The following HECW2 variants were observed in gnomAD, a reference collection of about 807,000 sequenced individuals.
HECW2 encodes HECT, C2 and WW domain containing E3 ubiquitin protein ligase 2.
In HECW2, 61 loss-of-function variants were observed where a neutral mutation model predicts 175.2. The ratio of observed to expected loss-of-function variants is 0.35; its 90% CI spans 0.28 to 0.43. HECW2 has a LOEUF of 0.43. Ranked by LOEUF, HECW2 falls within the 20% of genes least tolerant of loss-of-function variation. The probability of loss-of-function intolerance (pLI) is 1.00; values close to 1 mark genes in which losing one functional copy is unlikely to be tolerated. For synonymous variants in HECW2, 671 were observed against 731.0 expected (o/e 0.92, Z 1.32); for missense variants, 1,524 against 2,000.5 (o/e 0.76, Z 4.54).
chr2:196,514,910 C>T (rs1053400236), intron 1 of HECW2, among the ~76,000 whole-genome samples: 2 of 152,194 alleles, frequency 1.3e-5, no homozygotes, highest in Non-Finnish European at 2.9e-5. Flanking sequence ...GGACTAAAAG[C>T]GCTGTAACAC....
chr2:196,270,758 T>A (rs141774121), intron 17 of HECW2, among the ~76,000 whole-genome samples: 246 of 152,154 alleles, frequency 1.6e-3, no homozygotes, highest in Non-Finnish European at 3.2e-3. Flanking sequence ...TGGAGTGCAG[T>A]GGTGCAAATC....
At chr2:196,536,245 G>A (rs1331881038) in intron 1 of HECW2, among the ~76,000 whole-genome samples, 2 of 152,140 alleles carry the variant, frequency 1.3e-5, no homozygotes, top group East Asian at 1.9e-4. Flanking sequence ...TAAAACTTAC[G>A]GGATGGGACC....
chr2:196,569,340 T>TCTAAACTAAACTAAA lies in HECW2; in HGVS notation c.-36+24153_-36+24167dup, dbSNP rs200812711. ...CTGGGTGACAGAGTGAGACACTGTC[T>TCTAAACTAAACTAAA]CTAAACTAAACTAAACTAAACTAAA... On this transcript the variant is annotated intron_variant, in intron 1 of 28. Coordinates refer to ENST00000644978, the MANE Select transcript of HECW2 (RefSeq NM_001348768.2). Among the ~76,000 whole-genome samples, 759 of 149,396 alleles carry TCTAAACTAAACTAAA rather than the reference T, an allele frequency of 5.1e-3. 7 individuals are homozygous for TCTAAACTAAACTAAA. Among genetic ancestry groups the TCTAAACTAAACTAAA allele is most frequent in the Middle Eastern group, 0.014 (4 of 292 alleles).
At chr2:196,203,597 T>C (rs1388381712) in intron 28 of HECW2, among the ~76,000 whole-genome samples, 1 of 152,178 alleles carries the variant, frequency 6.6e-6, no homozygotes, top group African/African-American at 2.4e-5. Context: ...TGGTTACCAA[T>C]AAGGTTGAGC....
At chr2:196,449,047 T>C (rs1290420507) in intron 1 of HECW2, among the ~76,000 whole-genome samples, 1 of 152,172 alleles carries the variant, frequency 6.6e-6, no homozygotes, top group Non-Finnish European at 1.5e-5. Flanking sequence ...CACTTCAATG[T>C]TGGGGTGAGT....
intron 1 of HECW2, among the ~76,000 whole-genome samples, chr2:196,472,586 G>A (rs1485584720): frequency 6.6e-6 from 1 of 151,702 alleles, no homozygotes; most frequent in Non-Finnish European, 1.5e-5. Flanking sequence ...CAGAATAGTG[G>A]ATCTCTGTAG....
chr2:196,432,990 G>A (rs1398159461), intron 2 of HECW2, 142 bp downstream of exon 2: 1 of 727,226 alleles, frequency 1.4e-6, no homozygotes, highest in Non-Finnish European at 2.2e-6. Context: ...TCCCAAAGAA[G>A]AAAAAAAATA....
chr2:196,583,628 C>T (rs557242991), intron 1 of HECW2, among the ~76,000 whole-genome samples: 1 of 152,166 alleles, frequency 6.6e-6, no homozygotes, highest in Non-Finnish European at 1.5e-5. Flanking sequence ...ATGAACTAGG[C>T]CTCCAAGACT....
At chr2:196,419,057 C>T (rs927630948) in intron 2 of HECW2, among the ~76,000 whole-genome samples, 1 of 152,202 alleles carries the variant, frequency 6.6e-6, no homozygotes, top group Non-Finnish European at 1.5e-5. Flanking sequence ...ACAGATAATG[C>T]AGCACAGAGA....
At chr2:196,591,604 T>C (rs939064586) in intron 1 of HECW2, among the ~76,000 whole-genome samples, 1 of 152,180 alleles carries the variant, frequency 6.6e-6, no homozygotes, top group Non-Finnish European at 1.5e-5. Context: ...CAGTGTCTCC[T>C]TTAAGAGATC....
chr2:196,549,017 G>A (rs1689520032), intron 1 of HECW2, among the ~76,000 whole-genome samples: 1 of 152,102 alleles, frequency 6.6e-6, no homozygotes, highest in Admixed American at 6.5e-5. Flanking sequence ...CAAGGGGTTG[G>A]CACTTCAACA....
chr2:196,367,984 T>G (rs1693795660), intron 2 of HECW2, among the ~76,000 whole-genome samples: 2 of 151,576 alleles, frequency 1.3e-5, no homozygotes, highest in Non-Finnish European at 3.0e-5. Context: ...TACATATATA[T>G]GATACATATA....
At chr2:196,346,406 GC>G (rs1212896599) in intron 2 of HECW2, among the ~76,000 whole-genome samples, 44 of 152,188 alleles carry the variant, frequency 2.9e-4, no homozygotes, top group Admixed American at 2.9e-3. Flanking sequence ...CTAGAAGGGA[GC>G]TTGGACAGAG....
chr2:196,528,762 A>G (rs1688750694), intron 1 of HECW2, among the ~76,000 whole-genome samples: 1 of 152,240 alleles, frequency 6.6e-6, no homozygotes, highest in East Asian at 1.9e-4. Flanking sequence ...ATGAGGAGAA[A>G]GAATTCCACA....
At chr2:196,456,790 T>C (rs1271824593) in intron 1 of HECW2, among the ~76,000 whole-genome samples, 1 of 152,144 alleles carries the variant, frequency 6.6e-6, no homozygotes, top group Admixed American at 6.5e-5. Context: ...ATAAGGGAAA[T>C]TGATCAAGCA....
intron 1 of HECW2, among the ~76,000 whole-genome samples, chr2:196,533,239 A>C (rs1183620704): frequency 6.6e-6 from 1 of 152,232 alleles, no homozygotes; most frequent in Non-Finnish European, 1.5e-5. Flanking sequence ...TCAAACAGGT[A>C]ATCTTAACCT....
At chr2:196,494,255 C>T (rs1042481324) in intron 1 of HECW2, among the ~76,000 whole-genome samples, 1 of 152,146 alleles carries the variant, frequency 6.6e-6, no homozygotes, top group Non-Finnish European at 1.5e-5. Context: ...GTATGTCAAG[C>T]TGATATGCTG....
chr2:196,315,771 G>A (rs1444691440), intron 10 of HECW2: 1 of 152,136 alleles, frequency 6.6e-6, no homozygotes, highest in Non-Finnish European at 1.5e-5. Flanking sequence ...CAGCAGGAAA[G>A]TATCTGTCTT....
At chr2:196,256,472 T>C (rs779128261) in intron 18 of HECW2, among the ~76,000 whole-genome samples, 9 of 152,160 alleles carry the variant, frequency 5.9e-5, no homozygotes, top group Non-Finnish European at 1.2e-4. Flanking sequence ...AGTACAAATA[T>C]TATAAGCTAT....
Sources: allele counts gnomAD v4.1 joint callset (sites outside exome capture counted in the v4.1 genomes callset), GRCh38; gene constraint gnomAD v4.1.1; transcripts MANE v1.5; gene names NCBI Gene and HGNC (gene_info 2026-07-23, HGNC 2026-07-21).